The following MOB3B variants were observed in gnomAD, a reference collection of about 807,000 sequenced individuals.
MOB3B encodes the protein MOB kinase activator-like 2B.
Under a neutral mutation model 18.7 loss-of-function variants are expected in MOB3B, and 7 were observed. The ratio of observed to expected loss-of-function variants is 0.37; its 90% confidence interval spans 0.21 to 0.70. The LOEUF (loss-of-function observed/expected upper bound fraction) is 0.70. Ranked by LOEUF, MOB3B falls within the 30% of genes least tolerant of loss-of-function variation. MOB3B has a pLI of 0.52. For missense variants in MOB3B, 253 were observed against 281.3 expected (o/e 0.90, Z 0.72); for synonymous variants, 111 against 99.9 (o/e 1.11, Z -0.66).
chr9:27,518,091 C>T (rs1386998863), intron 1 of MOB3B, among the ~76,000 whole-genome samples: 2 of 152,130 alleles, frequency 1.3e-5, no homozygotes, highest in Non-Finnish European at 2.9e-5. Context: ...CTAAGTAAGG[C>T]CAACTTAAAT....
intron 3 of MOB3B, 148 bp downstream of exon 3, chr9:27,358,886 A>G: frequency 1.2e-6 from 1 of 837,490 alleles, no homozygotes; most frequent in Non-Finnish European, 2.1e-6. Context: ...CCTGGCTGTT[A>G]GTTGACCACT....
intron 1 of MOB3B, among the ~76,000 whole-genome samples, chr9:27,478,277 C>T (rs774897886): frequency 1.1e-4 from 17 of 152,112 alleles, no homozygotes; most frequent in African/African-American, 1.9e-4. Flanking sequence ...AATAAACCCA[C>T]AAAGAATGAA....
chr9:27,373,137 A>T (rs1821446026), intron 2 of MOB3B, among the ~76,000 whole-genome samples: 1 of 152,226 alleles, frequency 6.6e-6, no homozygotes, highest in Non-Finnish European at 1.5e-5. Context: ...TTATGCTCTG[A>T]TCAGGACTGG....
intron 2 of MOB3B, chr9:27,421,737 T>A (rs1347379643): frequency 6.6e-6 from 1 of 152,330 alleles, no homozygotes; most frequent in Non-Finnish European, 1.5e-5. Flanking sequence ...CCAAATGTGG[T>A]TCCACCCCAG....
At chr9:27,477,684 C>T (rs760122493) in intron 1 of MOB3B, among the ~76,000 whole-genome samples, 8 of 152,220 alleles carry the variant, frequency 5.3e-5, no homozygotes, top group Admixed American at 1.3e-4. Context: ...GCAGCCATCA[C>T]AAGAATGTAC....
At chr9:27,450,581 T>C (rs550318555) in intron 2 of MOB3B, among the ~76,000 whole-genome samples, 4 of 152,156 alleles carry the variant, frequency 2.6e-5, no homozygotes, top group Non-Finnish European at 5.9e-5. Context: ...AAACAGGTCT[T>C]ATAAAATTTT....
At chr9:27,454,010 G>C (rs757137199) in intron 2 of MOB3B, among the ~76,000 whole-genome samples, 3 of 152,162 alleles carry the variant, frequency 2.0e-5, no homozygotes, top group Non-Finnish European at 4.4e-5. Context: ...GGGTAGGAGA[G>C]AGAGAAGTAT....
At chr9:27,432,852 T>G (rs967109790) in intron 2 of MOB3B, among the ~76,000 whole-genome samples, 2 of 152,136 alleles carry the variant, frequency 1.3e-5, no homozygotes, top group Admixed American at 6.6e-5. Context: ...AAAGGAATGC[T>G]CCAAGGATGA....
intron 1 of MOB3B, among the ~76,000 whole-genome samples, chr9:27,482,296 A>G (rs992627100): frequency 2.3e-5 from 1 of 43,296 alleles, no homozygotes; most frequent in African/African-American, 5.2e-5. Flanking sequence ...GCCACTCAAA[A>G]CTCATAATAA....
intron 2 of MOB3B, among the ~76,000 whole-genome samples, chr9:27,419,228 T>C (rs1322960428): frequency 6.6e-6 from 1 of 152,118 alleles, no homozygotes; most frequent in African/African-American, 2.4e-5. Context: ...ATGAACACAC[T>C]GACAAAGGAA....
chr9:27,451,217 C>T (rs968627682), intron 2 of MOB3B, among the ~76,000 whole-genome samples: 1 of 152,072 alleles, frequency 6.6e-6, no homozygotes, highest in Admixed American at 6.5e-5. Flanking sequence ...TTTTTTAAGT[C>T]ATGGCTTTCT....
In MOB3B at chr9:27,326,779, C is replaced by A; in HGVS notation, c.*3808G>T. 2.5e-6 allele frequency: 1 copy of A among 394,514 alleles called. No homozygotes were observed. Among genetic ancestry groups the A allele is most frequent in the Non-Finnish European group, 4.5e-6 (1 of 223,964 alleles). The allele number at this position is 394,514 out of a possible 1,614,324, so 24.4% of individuals were successfully genotyped here. Reference sequence around the variant, plus strand: ...TAGATCAGTATTTCTCAATTACAGCCGTGTAAGACATTTTCTTCCTAATCA... The same window carrying A: ...TAGATCAGTATTTCTCAATTACAGCAGTGTAAGACATTTTCTTCCTAATCA... On this transcript the variant is annotated 3_prime_UTR_variant, in exon 4 of 4. Coordinates refer to ENST00000262244, the MANE Select transcript of MOB3B (RefSeq NM_024761.5).
At chr9:27,424,281 G>T (rs1183863037) in intron 2 of MOB3B, among the ~76,000 whole-genome samples, 3 of 152,150 alleles carry the variant, frequency 2.0e-5, no homozygotes, top group Non-Finnish European at 2.9e-5. Flanking sequence ...AAAATGATTA[G>T]GCTGATTTAG....
rs560152363 is a variant in MOB3B at position 27,369,696 on chromosome 9, C to T, written c.419-10460G>A. ...GTAATACTCCAGCCATCTGAAGCTA[C>T]GATCCTCTTTCTCACTTGCTTCTGG... On this transcript the variant is annotated intron_variant, in intron 2 of 3. Transcript: ENST00000262244. 9.8e-5 allele frequency among the ~76,000 whole-genome samples: 15 copies of T among 152,338 alleles called. No homozygotes were observed. The South Asian group carries it at 1.7e-3, about 17-fold the overall frequency.
chr9:27,519,324 A>G (rs776939785), intron 1 of MOB3B, among the ~76,000 whole-genome samples: 1 of 152,198 alleles, frequency 6.6e-6, no homozygotes, highest in Non-Finnish European at 1.5e-5. Flanking sequence ...CCTGGACCTC[A>G]TATCCATAAA....
chr9:27,522,424 T>G (rs113625409), intron 1 of MOB3B, among the ~76,000 whole-genome samples: 2 of 46,762 alleles, frequency 4.3e-5, no homozygotes. Flanking sequence ...TTTTTTCATA[T>G]ATATATATAT....
chr9:27,408,732 T>G (rs1444313397), intron 2 of MOB3B, among the ~76,000 whole-genome samples: 4 of 152,160 alleles, frequency 2.6e-5, no homozygotes, highest in Non-Finnish European at 4.4e-5. Context: ...CTCCCGCCTC[T>G]GGCCCCCCAG....
chr9:27,406,353 C>T (rs1040479262), intron 2 of MOB3B, among the ~76,000 whole-genome samples: 1 of 152,066 alleles, frequency 6.6e-6, no homozygotes, highest in Non-Finnish European at 1.5e-5. Flanking sequence ...TGTCATAACA[C>T]CAGTAATGTT....
At chr9:27,526,467 C>T (rs553766584) in intron 1 of MOB3B, 8 of 152,332 alleles carry the variant, frequency 5.3e-5, no homozygotes, top group African/African-American at 1.9e-4. Context: ...ATGACTTTCT[C>T]TAATAAAGTC....
Sources: gnomAD v4.1 joint callset for allele counts (sites outside exome capture counted in the v4.1 genomes callset) on GRCh38, gnomAD v4.1.1 for gene constraint, MANE v1.5 for transcripts, NCBI Gene and HGNC (gene_info 2026-07-23, HGNC 2026-07-21) for gene names.